EPHB2: variants seen among roughly 807,000 people sequenced by gnomAD.
The protein encoded by EPHB2 is EPH receptor B2.
In EPHB2, 18 loss-of-function variants were observed where a neutral mutation model predicts 96.4. The ratio of observed to expected loss-of-function variants is 0.19; its 90% CI spans 0.13 to 0.28. The LOEUF is 0.28. Among genes scored for constraint, EPHB2 ranks in the 10% least tolerant of loss-of-function variants. The pLI is 1.00. For missense variants in EPHB2, 989 were observed against 1,355.4 expected (o/e 0.73, Z 4.25); for synonymous variants, 506 against 534.1 (o/e 0.95, Z 0.72).
chr1:22,845,381 T>G (rs1490587624), intron 3 of EPHB2, among the ~76,000 whole-genome samples: 1 of 152,224 alleles, frequency 6.6e-6, no homozygotes, highest in Non-Finnish European at 1.5e-5. Flanking sequence ...CTTTTGGAAC[T>G]AAAGAGACCC....
At chr1:22,830,075 G>A (rs1645281842) in intron 3 of EPHB2, among the ~76,000 whole-genome samples, 1 of 152,198 alleles carries the variant, frequency 6.6e-6, no homozygotes, top group Non-Finnish European at 1.5e-5. Flanking sequence ...GGGGACTAGG[G>A]CTGACAATTT....
At chr1:22,719,602 A>G (rs1643386261) in intron 1 of EPHB2, 2 of 152,208 alleles carry the variant, frequency 1.3e-5, no homozygotes, top group South Asian at 4.1e-4. Flanking sequence ...TTGGTGCTCA[A>G]CCCCTGTAAG....
chr1:22,897,050 G>C (rs982818399), intron 9 of EPHB2, among the ~76,000 whole-genome samples: 2 of 152,166 alleles, frequency 1.3e-5, no homozygotes, highest in African/African-American at 4.8e-5. Context: ...CTCACTCTGT[G>C]GCTCCAGACC....
chr1:22,824,660 T>C (rs989598694), intron 3 of EPHB2, among the ~76,000 whole-genome samples: 15 of 152,260 alleles, frequency 9.9e-5, no homozygotes, highest in Admixed American at 9.8e-4. Context: ...CTGTTCATAT[T>C]TCTACCTTGA....
At chr1:22,877,627 G>A (rs181479663) in intron 5 of EPHB2, among the ~76,000 whole-genome samples, 4 of 152,286 alleles carry the variant, frequency 2.6e-5, no homozygotes, top group African/African-American at 9.6e-5. Context: ...AAAGAGTGTA[G>A]CCCAGGCAGG....
intron 13 of EPHB2, 41 bp from the exon 14 acceptor site, chr1:22,910,341 G>A (rs554620935): frequency 6.2e-7 from 1 of 1,613,192 alleles, no homozygotes; most frequent in South Asian, 1.1e-5. Context: ...GACGCCCTCA[G>A]CCCATCCACC....
At chr1:22,880,782 C>A (rs1639014574) in intron 5 of EPHB2, among the ~76,000 whole-genome samples, 1 of 152,204 alleles carries the variant, frequency 6.6e-6, no homozygotes, top group South Asian at 2.1e-4. Context: ...TGTAAAGGGC[C>A]CAGGGCCATG....
intron 1 of EPHB2, among the ~76,000 whole-genome samples, chr1:22,717,243 C>T (rs1419206308): frequency 7.1e-6 from 1 of 140,766 alleles, no homozygotes; most frequent in Non-Finnish European, 1.5e-5. Context: ...AGGGGTGGGG[C>T]AGCAGGCCAG....
intron 3 of EPHB2, among the ~76,000 whole-genome samples, chr1:22,809,746 A>G (rs1196452660): frequency 6.6e-6 from 1 of 152,220 alleles, no homozygotes; most frequent in East Asian, 1.9e-4. Flanking sequence ...GATTGTATGT[A>G]GCACTGTATT....
intron 6 of EPHB2, among the ~76,000 whole-genome samples, chr1:22,888,389 T>C (rs1639293476): frequency 6.6e-6 from 1 of 152,220 alleles, no homozygotes. Context: ...CAACATTTAT[T>C]AAGTCTTTTT....
At chr1:22,899,809 A>G (rs566040289) in intron 9 of EPHB2, among the ~76,000 whole-genome samples, 79 of 152,246 alleles carry the variant, frequency 5.2e-4, no homozygotes, top group African/African-American at 1.9e-3. Flanking sequence ...CCTGGGCAAC[A>G]TAGCAAAACC....
intron 9 of EPHB2, among the ~76,000 whole-genome samples, chr1:22,904,179 A>G (rs1306541044): frequency 6.6e-6 from 1 of 152,012 alleles, no homozygotes; most frequent in Non-Finnish European, 1.5e-5. Flanking sequence ...TGTAATCCCA[A>G]CTACTTGGAA....
chr1:22,900,905 C>T (rs2675493), intron 9 of EPHB2, among the ~76,000 whole-genome samples: 80,091 of 151,970 alleles, frequency 0.53, 21,808 homozygotes, highest in African/African-American at 0.65. Flanking sequence ...ATCACCCACA[C>T]GGCCCCATGG....
Position 22,806,504 on chromosome 1 carries a change from C to T in EPHB2, c.811+21428C>T, listed in dbSNP as rs369774172. ...ACGGACGGACGGACGGACGGACGGA[C>T]GGATGGATGGATGGATGGATGGATG... is the stretch of plus-strand genomic sequence containing the variant. On this transcript the variant is annotated intron_variant, in intron 3 of 15. Coordinates refer to ENST00000374630, the MANE Select transcript of EPHB2 (RefSeq NM_017449.5). Among the ~76,000 whole-genome samples the T allele has an allele frequency of 4.8e-3, 711 of 148,702 alleles. 10 individuals carry two copies. The highest frequency in any genetic ancestry group is 0.017 in the African/African-American group (664 of 38,876).
At chr1:22,745,590 A>G (rs1182507937) in intron 1 of EPHB2, among the ~76,000 whole-genome samples, 1 of 152,210 alleles carries the variant, frequency 6.6e-6, no homozygotes. Flanking sequence ...AAAAGCTTCA[A>G]ACATCCCTCC....
At chr1:22,723,154 G>A (rs1166178394) in intron 1 of EPHB2, among the ~76,000 whole-genome samples, 2 of 152,226 alleles carry the variant, frequency 1.3e-5, no homozygotes, top group African/African-American at 2.4e-5. Context: ...TGGGAAGCCG[G>A]AAGGACAAAA....
intron 9 of EPHB2, among the ~76,000 whole-genome samples, chr1:22,903,600 T>C (rs2124084176): frequency 6.6e-6 from 1 of 152,368 alleles, no homozygotes; most frequent in Admixed American, 6.5e-5. Flanking sequence ...ACTTAGCTTC[T>C]CAGAGCCACA....
intron 3 of EPHB2, among the ~76,000 whole-genome samples, chr1:22,838,989 A>T (rs1285160506): frequency 6.6e-6 from 1 of 152,158 alleles, no homozygotes; most frequent in African/African-American, 2.4e-5. Flanking sequence ...ATACTAGAGA[A>T]GGGTGTGGGG....
At chr1:22,785,935 A>G (rs977701227) in intron 3 of EPHB2, among the ~76,000 whole-genome samples, 5 of 152,256 alleles carry the variant, frequency 3.3e-5, no homozygotes, top group African/African-American at 4.8e-5. Context: ...GACTAAGTAG[A>G]GGATCTGGGA....
Sources: gnomAD v4.1 joint callset for allele counts (sites outside exome capture counted in the v4.1 genomes callset) on GRCh38, gnomAD v4.1.1 for gene constraint, MANE v1.5 for transcripts, NCBI Gene and HGNC (gene_info 2026-07-23, HGNC 2026-07-21) for gene names.